The following CSMD2 variants were observed in gnomAD, a reference collection of about 807,000 sequenced individuals.
CSMD2 encodes CUB and Sushi multiple domains 2.
Under a neutral mutation model 398.5 loss-of-function variants are expected in CSMD2, and 130 were observed. The observed-to-expected ratio is 0.33, with a 90% confidence interval of 0.28 to 0.38. The LOEUF (loss-of-function observed/expected upper bound fraction) is 0.38. Among genes scored for constraint, CSMD2 ranks in the 10% least tolerant of loss-of-function variants. CSMD2 has a pLI of 1.00. For missense variants in CSMD2, 3,829 were observed against 4,764.9 expected (o/e 0.80, Z 5.78); for synonymous variants, 1,828 against 1,908.5 (o/e 0.96, Z 1.10).
At chr1:33,522,191 T>C (rs557687092) in intron 67 of CSMD2, among the ~76,000 whole-genome samples, 138 of 152,268 alleles carry the variant, frequency 9.1e-4, no homozygotes, top group South Asian at 5.4e-3. Flanking sequence ...TCCTGGGTAC[T>C]CCCAACCTAT....
chr1:33,666,349 G>A (rs574857365), intron 25 of CSMD2, among the ~76,000 whole-genome samples: 4 of 152,174 alleles, frequency 2.6e-5, no homozygotes, highest in Non-Finnish European at 5.9e-5. Flanking sequence ...CCCCAGCCAG[G>A]AACATTGTAG....
At chr1:34,088,340 T>C (rs1439686341) in intron 2 of CSMD2, among the ~76,000 whole-genome samples, 1 of 152,206 alleles carries the variant, frequency 6.6e-6, no homozygotes, top group Non-Finnish European at 1.5e-5. Flanking sequence ...CCCTGGGGTC[T>C]TCACCTTTGC....
intron 32 of CSMD2, among the ~76,000 whole-genome samples, chr1:33,632,769 T>G (rs915837790): frequency 7.9e-5 from 12 of 152,200 alleles, no homozygotes; most frequent in Non-Finnish European, 1.2e-4. Flanking sequence ...CAGAAATGTA[T>G]ATAAAGATGT....
At position 34,089,180 on chromosome 1, in the gene CSMD2, C is replaced by T. The variant is rs779814218; in HGVS notation, c.201G>A (p.Thr67=). The change falls in exon 2 of 71, where the codon ACG becomes ACA. Residue 67 remains threonine, a synonymous_variant. Transcript: ENST00000373381. ...TCCCATTGGGACCGTGCAGTTGGAA[C>T]GTGCAGTTCTGGCCTGGGAAAGAGA... is the stretch of plus-strand genomic sequence containing the variant. The part of the protein sequence containing the change: ...SVSAAAGQNC[T]FQLHGPNGTV... 45 of 1,613,956 alleles carry T rather than the reference C, an allele frequency of 2.8e-5. 1 individual carries two copies. The South Asian group carries it at 2.9e-4, about 10-fold the overall frequency.
At chr1:33,853,904 C>T (rs928828169) in intron 5 of CSMD2, among the ~76,000 whole-genome samples, 2 of 152,170 alleles carry the variant, frequency 1.3e-5, no homozygotes, top group Non-Finnish European at 2.9e-5. Flanking sequence ...AACCAGCTAA[C>T]CTTAAAATCT....
At chr1:33,821,531 G>A (rs1399420601) in intron 7 of CSMD2, among the ~76,000 whole-genome samples, 2 of 152,142 alleles carry the variant, frequency 1.3e-5, no homozygotes, top group African/African-American at 4.8e-5. Flanking sequence ...CATCTGGACA[G>A]CATTCGGCAT....
intron 1 of CSMD2, among the ~76,000 whole-genome samples, chr1:34,150,991 G>A (rs771130): frequency 0.063 from 9,592 of 152,154 alleles, 500 homozygotes; most frequent in African/African-American, 0.15. Context: ...AAGGGGGGGC[G>A]GGGGATGCAA....
At chr1:33,912,068 G>C (rs1314155739) in intron 5 of CSMD2, among the ~76,000 whole-genome samples, 2 of 152,114 alleles carry the variant, frequency 1.3e-5, no homozygotes, top group Non-Finnish European at 2.9e-5. Context: ...TCCTGCCCCA[G>C]GACAGTGTCC....
At chr1:33,994,309 A>G (rs893743983) in intron 3 of CSMD2, among the ~76,000 whole-genome samples, 7 of 151,990 alleles carry the variant, frequency 4.6e-5, no homozygotes, top group African/African-American at 1.7e-4. Flanking sequence ...AGAATGAGTG[A>G]CAGGCAGGCA....
At chr1:34,144,354 G>A (rs958637811) in intron 1 of CSMD2, among the ~76,000 whole-genome samples, 3 of 152,160 alleles carry the variant, frequency 2.0e-5, no homozygotes. Context: ...AAGTACCAGT[G>A]GCACACATTT....
chr1:33,557,751 G>A lies in CSMD2; in HGVS notation c.8726C>T (p.Pro2909Leu), dbSNP rs1055470485. 2.6e-6 allele frequency: 4 copies of A among 1,536,026 alleles called. No individual in the cohort carries two copies. The highest frequency in any genetic ancestry group is 3.5e-6 in the Non-Finnish European group (4 of 1,146,878). The change falls in exon 55 of 71, where the codon CCC (proline) becomes CTC (leucine). Residue 2909 changes from proline to leucine, a missense_variant. Physicochemically the swap from Pro to Leu is moderately conservative, Grantham distance 98. Transcript: ENST00000373381. ...SCQGDGTWDRPRPQCLLVSCG... is the reference protein window; with the variant it reads ...SCQGDGTWDRLRPQCLLVSCG... Reference sequence around the variant, plus strand: ...CTACTTACAGAGACACTGGGGGCGGGGACGGTCCCATGTGCCATCTCCCTG... The same window carrying A: ...CTACTTACAGAGACACTGGGGGCGGAGACGGTCCCATGTGCCATCTCCCTG...
At chr1:34,058,166 A>G (rs957291997) in intron 2 of CSMD2, among the ~76,000 whole-genome samples, 1 of 152,040 alleles carries the variant, frequency 6.6e-6, no homozygotes, top group Non-Finnish European at 1.5e-5. Context: ...CCTGCATCAC[A>G]TAGGAGCTGG....
chr1:34,116,660 C>G (rs1394041488), intron 1 of CSMD2, among the ~76,000 whole-genome samples: 1 of 152,044 alleles, frequency 6.6e-6, no homozygotes, highest in Non-Finnish European at 1.5e-5. Flanking sequence ...ATAGACATAT[C>G]TAGAATACCC....
At position 33,556,382 on chromosome 1, in the gene CSMD2, C is replaced by T. The variant is rs148890431; in HGVS notation, c.8743+1352G>A. 4.3e-4 allele frequency among the ~76,000 whole-genome samples: 66 copies of T among 152,196 alleles called. 1 individual carries two copies. Among genetic ancestry groups the T allele is most frequent in the Non-Finnish European group, 6.6e-4 (45 of 67,998 alleles). On this transcript the variant is annotated intron_variant, in intron 55 of 70. Coordinates refer to ENST00000373381, the MANE Select transcript of CSMD2 (RefSeq NM_001281956.2). ...CAGGCTCCTGTTAGACCTACAGCCA[C>T]GAGGGCGTAAAAAAATGCAGTTGTC... is the stretch of plus-strand genomic sequence containing the variant.
rs61186098 is a variant in CSMD2 at position 34,117,936 on chromosome 1, C to T, written c.188-28743G>A. 9.9e-3 allele frequency among the ~76,000 whole-genome samples: 1,509 copies of T among 152,164 alleles called. 25 individuals are homozygous for T. The highest frequency in any genetic ancestry group is 0.034 in the African/African-American group (1,415 of 41,542). On this transcript the variant is annotated intron_variant, in intron 1 of 70. Transcript: ENST00000373381. ...TTAAAAGAAAAAACACTCAGCCAGG[C>T]GTGGTGGTGGCTCATGCCTGAAATT...
intron 57 of CSMD2, among the ~76,000 whole-genome samples, chr1:33,543,169 A>ATTGTG: frequency 6.6e-6 from 1 of 152,344 alleles, no homozygotes; most frequent in East Asian, 1.9e-4. Context: ...CAATTGCTTA[A>ATTGTG]TATCACCAAA....
intron 64 of CSMD2, among the ~76,000 whole-genome samples, chr1:33,528,332 T>C (rs1215947838): frequency 6.6e-6 from 1 of 152,250 alleles, no homozygotes; most frequent in Non-Finnish European, 1.5e-5. Context: ...TAAGTATTAA[T>C]GTCTTTTCTT....
intron 5 of CSMD2, chr1:33,864,794 T>A: frequency 6.6e-7 from 1 of 1,513,640 alleles, no homozygotes; most frequent in Non-Finnish European, 9.0e-7. Context: ...CAACCGTATT[T>A]CCTGTTCCTG....
chr1:33,658,062 C>G lies in CSMD2; in HGVS notation c.4331G>C (p.Gly1444Ala), dbSNP rs751864445. 6.2e-7 allele frequency: 1 copy of G among 1,614,210 alleles called. No individual in the cohort carries two copies. The highest frequency in any genetic ancestry group is 1.1e-5 in the South Asian group (1 of 91,084). The change falls in exon 27 of 71, where the codon GGC (glycine) becomes GCC (alanine). Residue 1444 changes from glycine to alanine, a missense_variant. By Grantham distance (60) the Gly-to-Ala change is moderately conservative. Around this residue, in one of 5 missense-constraint regions of CSMD2, gnomAD observed 2,001 missense variants for 2,567.1 expected, o/e 0.78. Transcript: ENST00000373381. ...GSRSGDSWEA[G>A]DSTVFQCDPG... The stretch of plus-strand genomic sequence containing the variant: ...GTCACACTGGAACACTGTGGAGTCG[C>G]CGGCTTCCCAACTGTCACCACTCCG...
Sources: allele counts gnomAD v4.1 joint callset (sites outside exome capture counted in the v4.1 genomes callset), GRCh38; gene constraint gnomAD v4.1.1; regional missense constraint gnomAD v4.1.1; transcripts MANE v1.5; gene names NCBI Gene and HGNC (gene_info 2026-07-23, HGNC 2026-07-21).